The following MYH15 variants were observed in gnomAD, a reference collection of about 807,000 sequenced individuals.
MYH15 encodes myosin-15.
In MYH15, 227 loss-of-function variants were observed where a neutral mutation model predicts 240.5. The ratio of observed to expected loss-of-function variants is 0.94; its 90% CI spans 0.85 to 1.05. The LOEUF (loss-of-function observed/expected upper bound fraction) is 1.05, where lower values mean the gene tolerates loss of function less well. Among genes scored for constraint, MYH15 ranks in the 50% least tolerant of loss-of-function variants. The pLI is 0.00. For synonymous variants in MYH15, 785 were observed against 796.7 expected (o/e 0.99, Z 0.25); for missense variants, 2,217 against 2,247.5 (o/e 0.99, Z 0.27).
chr3:108,540,562 T>C, the MYH15 span, among the ~76,000 whole-genome samples: 2 of 152,338 alleles, frequency 1.3e-5, no homozygotes, highest in East Asian at 1.9e-4. Context: ...TCTTTATAGA[T>C]ATCGAAAAGA....
chr3:108,495,756 A>G (rs2107228873), intron 7 of MYH15, 24 bp downstream of exon 7: 5 of 1,564,522 alleles, frequency 3.2e-6, no homozygotes, highest in East Asian at 2.2e-5. Flanking sequence ...ATACTTTGAT[A>G]TTATGCTAAA....
chr3:108,457,931 G>A (rs959664659), intron 18 of MYH15, among the ~76,000 whole-genome samples: 8 of 152,160 alleles, frequency 5.3e-5, no homozygotes, highest in African/African-American at 1.9e-4. Flanking sequence ...CTACACAGGA[G>A]GCTGAGGTAC....
intron 1 of MYH15, among the ~76,000 whole-genome samples, chr3:108,525,828 T>C (rs2083665063): frequency 6.6e-6 from 1 of 152,140 alleles, no homozygotes; most frequent in Non-Finnish European, 1.5e-5. Context: ...ATTTCACTGA[T>C]GTCTGCTATA....
intron 21 of MYH15, among the ~76,000 whole-genome samples, chr3:108,448,787 C>A (rs1307500417): frequency 6.6e-6 from 1 of 151,410 alleles, no homozygotes; most frequent in African/African-American, 2.4e-5. Context: ...AAAGTCCTAG[C>A]CAGAGTAATT....
intron 14 of MYH15, 86 bp downstream of exon 14, chr3:108,469,956 G>C: frequency 3.0e-6 from 4 of 1,322,484 alleles, no homozygotes; most frequent in Non-Finnish European, 4.1e-6. Flanking sequence ...TCCTCTGATA[G>C]GGCCTAAGTC....
chr3:108,402,006 A>C (rs957102187), intron 33 of MYH15, among the ~76,000 whole-genome samples: 3 of 152,228 alleles, frequency 2.0e-5, no homozygotes, highest in South Asian at 4.1e-4. Flanking sequence ...AGATGATAGA[A>C]CTTGGAAGAG....
chr3:108,434,756 C>T (rs943820389), intron 25 of MYH15, among the ~76,000 whole-genome samples: 6 of 152,054 alleles, frequency 3.9e-5, no homozygotes, highest in Non-Finnish European at 8.8e-5. Context: ...TGAGAGTGTT[C>T]CTCTAGAGTG....
chr3:108,514,418 A>T (rs1173785726), upstream of MYH15, among the ~76,000 whole-genome samples: 3 of 152,110 alleles, frequency 2.0e-5, no homozygotes, highest in Non-Finnish European at 2.9e-5. Context: ...ACCTTTTTTG[A>T]AAACGTCCTT....
At chr3:108,434,183 G>A (rs2082809174) in intron 25 of MYH15, among the ~76,000 whole-genome samples, 1 of 132,498 alleles carries the variant, frequency 7.5e-6, no homozygotes, top group South Asian at 2.6e-4. Flanking sequence ...TTATTGAATT[G>A]AGAATGGTTT....
intron 9 of MYH15, 95 bp from the exon 10 acceptor site, chr3:108,486,621 T>TATC (rs1229483522): frequency 2.8e-6 from 2 of 719,764 alleles, no homozygotes; most frequent in East Asian, 5.6e-5. Context: ...CTACAGTTTA[T>TATC]ATCATACTTG....
chr3:108,398,936 T>C, intron 34 of MYH15, 96 bp from the exon 35 acceptor site: 1 of 1,449,272 alleles, frequency 6.9e-7, no homozygotes, highest in East Asian at 2.3e-5. Context: ...TATTTAGACA[T>C]AAGCATGCTC....
At chr3:108,432,973 G>A (rs2082792597) in intron 25 of MYH15, among the ~76,000 whole-genome samples, 1 of 152,196 alleles carries the variant, frequency 6.6e-6, no homozygotes, top group African/African-American at 2.4e-5. Flanking sequence ...TAGTGGAAGT[G>A]TAAGAAGAGG....
At chr3:108,510,706 G>T, upstream of MYH15, 2 of 955,136 alleles carry the variant, frequency 2.1e-6, no homozygotes, top group Non-Finnish European at 3.1e-6. Context: ...AACTACCTGT[G>T]CCCCTTCTTT....
intron 11 of MYH15, among the ~76,000 whole-genome samples, chr3:108,477,974 A>C (rs1171814420): frequency 6.6e-6 from 1 of 152,122 alleles, no homozygotes; most frequent in African/African-American, 2.4e-5. Context: ...ACTCATCCAA[A>C]ACCCCTCTCT....
intron 21 of MYH15, among the ~76,000 whole-genome samples, chr3:108,450,794 G>T (rs962566563): frequency 3.3e-5 from 5 of 151,816 alleles, no homozygotes; most frequent in Non-Finnish European, 7.4e-5. Flanking sequence ...CAAAACATCA[G>T]ATTATACGCC....
chr3:108,408,427 CAA>C, intron 31 of MYH15, 23 bp from the exon 32 acceptor site: 3 of 1,596,274 alleles, frequency 1.9e-6, no homozygotes, highest in Non-Finnish European at 2.6e-6. Context: ...GTAAGAAAAA[CAA>C]AGTTAGTGAA....
intron 32 of MYH15, among the ~76,000 whole-genome samples, chr3:108,405,894 G>C (rs35665606): frequency 0.26 from 39,372 of 152,076 alleles, 5,468 homozygotes; most frequent in Non-Finnish European, 0.31. Flanking sequence ...AGGAAAAGTT[G>C]GATGTATTCA....
intron 21 of MYH15, among the ~76,000 whole-genome samples, chr3:108,449,030 A>C (rs1654900576): frequency 6.6e-6 from 1 of 151,986 alleles, no homozygotes. Flanking sequence ...ATAAGAATAA[A>C]TCTTACCAAG....
chr3:108,548,811 A>G, the MYH15 span, among the ~76,000 whole-genome samples: 1 of 152,144 alleles, frequency 6.6e-6, no homozygotes, highest in African/African-American at 2.4e-5. Context: ...AAATTCAAAC[A>G]TATTTTCATT....
Sources: gnomAD v4.1 joint callset for allele counts (sites outside exome capture counted in the v4.1 genomes callset) on GRCh38, gnomAD v4.1.1 for gene constraint, MANE v1.5 for transcripts, NCBI Gene and HGNC (gene_info 2026-07-23, HGNC 2026-07-21) for gene names.